The following BBX variants were observed in gnomAD, a reference collection of about 807,000 sequenced individuals.
The protein encoded by BBX is BBX high mobility group box domain containing, also known as HMG box transcription factor BBX.
In BBX, 30 loss-of-function variants were observed where a neutral mutation model predicts 100.2. The ratio of observed to expected loss-of-function variants is 0.30; its 90% confidence interval spans 0.22 to 0.41. The LOEUF is 0.41. Among genes scored for constraint, BBX ranks in the 10% least tolerant of loss-of-function variants. The pLI is 1.00. For synonymous variants in BBX, 376 were observed against 388.1 expected, an observed-to-expected ratio of 0.97 and a Z score of 0.37; for missense variants, 1,023 against 1,129.8, an observed-to-expected ratio of 0.91 and a Z score of 1.35.
chr3:107,659,248 TA>T (rs2058313472), intron 3 of BBX, among the ~76,000 whole-genome samples: 1 of 151,966 alleles, frequency 6.6e-6, no homozygotes, highest in African/African-American at 2.4e-5. Context: ...TTATTATATT[TA>T]TTTTATTACA....
intron 2 of BBX, among the ~76,000 whole-genome samples, chr3:107,586,844 AG>A (rs1259031044): frequency 1.3e-5 from 2 of 151,578 alleles, no homozygotes; most frequent in African/African-American, 2.4e-5. Context: ...TCCGCCTCCG[AG>A]GTTCAAGCGA....
chr3:107,645,117 A>G (rs2107784344), intron 2 of BBX, among the ~76,000 whole-genome samples: 1 of 152,240 alleles, frequency 6.6e-6, no homozygotes, highest in Admixed American at 6.5e-5. Flanking sequence ...TAGTTTCACC[A>G]CTGAAGCAGC....
intron 2 of BBX, among the ~76,000 whole-genome samples, chr3:107,628,575 GATT>G (rs1230668911): frequency 2.6e-5 from 4 of 151,766 alleles, no homozygotes; most frequent in South Asian, 2.1e-4. Flanking sequence ...GATTCATTGA[GATT>G]ATTATTTCCA....
In BBX at chr3:107,781,836, A is replaced by C. The variant is rs886564743; in HGVS notation, c.2203+3317A>C. Among the ~76,000 whole-genome samples the C allele has an allele frequency of 8.5e-5, 13 of 152,258 alleles. No individual in the cohort carries two copies. In the East Asian group the frequency reaches 2.5e-3, roughly 29 times the overall value. ...TTATATTTTTTCAATCCACACTTACATTTTAAGACTAAAATCAAAAATGGT... is the reference window on the plus strand; with the variant it reads ...TTATATTTTTTCAATCCACACTTACCTTTTAAGACTAAAATCAAAAATGGT... On this transcript the variant is annotated intron_variant, in intron 13 of 17. Transcript: ENST00000325805.
intron 2 of BBX, among the ~76,000 whole-genome samples, chr3:107,595,481 T>C (rs2053610908): frequency 6.6e-6 from 1 of 152,190 alleles, no homozygotes; most frequent in Admixed American, 6.5e-5. Flanking sequence ...AAACTGAAGC[T>C]TCGGACTATC....
Position 107,733,121 on chromosome 3 carries a change from A to G in BBX, c.669+98A>G, listed in dbSNP as rs78981234. The G allele has an allele frequency of 1.1e-4, 113 of 997,890 alleles. 1 individual carries two copies. The African/African-American group carries it at 1.7e-3, about 15-fold the overall frequency. 61.8% of individuals were successfully genotyped at this position (997,890 alleles called of 1,614,324 possible). On this transcript the variant is annotated intron_variant, in intron 7 of 17. Coordinates refer to ENST00000325805, the MANE Select transcript of BBX (RefSeq NM_001142568.3). ...TGTTCATTCTGCATTTTCACTGTTT[A>G]CAGCTCATGAACAAACTTTATAATC...
At chr3:107,651,110 T>C (rs377764235) in intron 3 of BBX, among the ~76,000 whole-genome samples, 213 of 152,310 alleles carry the variant, frequency 1.4e-3, no homozygotes, top group African/African-American at 4.9e-3. Flanking sequence ...TCCCATCACA[T>C]TGGGGACTGG....
At chr3:107,620,987 T>G (rs984967453) in intron 2 of BBX, among the ~76,000 whole-genome samples, 15 of 152,188 alleles carry the variant, frequency 9.9e-5, no homozygotes, top group African/African-American at 3.6e-4. Flanking sequence ...CTTTTGCTTC[T>G]CTACCACCCC....
chr3:107,536,582 C>T (rs763339748), intron 2 of BBX, among the ~76,000 whole-genome samples: 6 of 152,110 alleles, frequency 3.9e-5, no homozygotes, highest in African/African-American at 7.2e-5. Flanking sequence ...GGTTGGTAAA[C>T]GGAAATAAGT....
chr3:107,733,148 T>G, intron 7 of BBX, 125 bp downstream of exon 7: 1 of 821,822 alleles, frequency 1.2e-6, no homozygotes, highest in Non-Finnish European at 1.9e-6. Flanking sequence ...TTTATAATCT[T>G]TCTCTTTAAG....
intron 2 of BBX, among the ~76,000 whole-genome samples, chr3:107,592,076 C>T (rs1381337107): frequency 6.6e-6 from 1 of 151,112 alleles, no homozygotes; most frequent in Non-Finnish European, 1.5e-5. Context: ...TAGAGATTAA[C>T]CCCATCAAGA....
At chr3:107,702,281 C>G (rs1308624368) in intron 3 of BBX, among the ~76,000 whole-genome samples, 1 of 152,166 alleles carries the variant, frequency 6.6e-6, no homozygotes, top group Non-Finnish European at 1.5e-5. Flanking sequence ...GACAAATAAC[C>G]AGAGAAAGGA....
At chr3:107,538,760 A>G (rs1364591518) in intron 2 of BBX, among the ~76,000 whole-genome samples, 1 of 152,018 alleles carries the variant, frequency 6.6e-6, no homozygotes, top group African/African-American at 2.4e-5. Flanking sequence ...TCAGAGGAAC[A>G]CAGTACTAAT....
Position 107,728,929 on chromosome 3 carries a change from A to G in BBX, c.570A>G (p.Glu190=), listed in dbSNP as rs2063139586. 1 of 1,613,760 alleles carries G rather than the reference A, an allele frequency of 6.2e-7. No homozygotes were observed. The highest frequency in any genetic ancestry group is 1.3e-5 in the African/African-American group (1 of 75,008). The stretch of plus-strand genomic sequence containing the variant: ...CAAGCCCCAAGAAAGCAAAGACTGA[A>G]GAAATGCCTCAGCTTAACTTTGGAA... ...DLPSPKKAKT[E]EMPQLNFGMA... Residue 190 remains glutamate (E), a synonymous_variant, in exon 6 of 18, where the codon GAA becomes GAG. Transcript: ENST00000325805.
chr3:107,806,598 C>G lies in BBX; in HGVS notation c.*1141C>G, dbSNP rs1305703100. On this transcript the variant is annotated 3_prime_UTR_variant, in exon 18 of 18. Transcript: ENST00000325805. Reference sequence around the variant, plus strand: ...GTATGCCTGACCAGAGTGGGACTCTCAGTCATAGATCCACCTGCAAGTCTC... The same window carrying G: ...GTATGCCTGACCAGAGTGGGACTCTGAGTCATAGATCCACCTGCAAGTCTC... 1 of 152,196 alleles carries G rather than the reference C, an allele frequency of 6.6e-6. No homozygotes were observed. Among genetic ancestry groups the G allele is most frequent in the East Asian group, 1.9e-4 (1 of 5,194 alleles). 9.4% of individuals were successfully genotyped at this position (152,196 alleles called of 1,614,324 possible). A position where few individuals can be genotyped will look rare whatever the true frequency, so the allele number is the denominator to read the frequency against.
chr3:107,732,233 A>C (rs1011738356), intron 6 of BBX, among the ~76,000 whole-genome samples: 2 of 151,986 alleles, frequency 1.3e-5, no homozygotes, highest in African/African-American at 4.8e-5. Flanking sequence ...TTCTTTATTT[A>C]GATACAACCT....
intron 2 of BBX, among the ~76,000 whole-genome samples, chr3:107,580,612 T>G (rs1178526292): frequency 1.3e-5 from 2 of 152,030 alleles, no homozygotes; most frequent in African/African-American, 4.8e-5. Flanking sequence ...TCCTATGATT[T>G]TAAAACTGTT....
At chr3:107,529,897 G>C (rs1576181170) in intron 2 of BBX, among the ~76,000 whole-genome samples, 1 of 151,408 alleles carries the variant, frequency 6.6e-6, no homozygotes, top group Admixed American at 6.6e-5. Flanking sequence ...GAATACAAAA[G>C]AAGCAAGCCA....
chr3:107,531,852 C>T (rs2048182363), intron 2 of BBX, among the ~76,000 whole-genome samples: 1 of 152,102 alleles, frequency 6.6e-6, no homozygotes, highest in Non-Finnish European at 1.5e-5. Flanking sequence ...CTTGTCAGCA[C>T]AGGGCATTCT....
Sources: gnomAD v4.1 joint callset for allele counts (sites outside exome capture counted in the v4.1 genomes callset) on GRCh38, gnomAD v4.1.1 for gene constraint, MANE v1.5 for transcripts, NCBI Gene and HGNC (gene_info 2026-07-23, HGNC 2026-07-21) for gene names.